SLC1A7: variants seen among roughly 807,000 people sequenced by gnomAD.
The protein encoded by SLC1A7 is excitatory amino acid transporter 5.
SLC1A7 carries 40 observed loss-of-function variants against 47.7 expected under a neutral mutation model. That is an observed-to-expected ratio of 0.84 (90% CI 0.65 to 1.09). The LOEUF is 1.09. SLC1A7 is among the 50% of genes least tolerant of loss of function. The pLI is 0.00. For synonymous variants in SLC1A7, 323 were observed against 325.6 expected (o/e 0.99, Z 0.09); for missense variants, 746 against 769.5 (o/e 0.97, Z 0.36).
rs772267132 is a variant in SLC1A7 at position 53,090,637 on chromosome 1, C to A, written c.1201G>T (p.Asp401Tyr). 1.2e-6 allele frequency: 2 copies of A among 1,602,098 alleles called. No homozygotes were observed. Among genetic ancestry groups the A allele is most frequent in the Admixed American group, 1.7e-5 (1 of 59,694 alleles). The part of the protein sequence containing the change: ...FIAQVNNYEL[D>Y]FGQIITISIT... Reference sequence around the variant, plus strand: ...CTGATGGTGATGATCTGGCCAAAGTCCAGCTCGTAGTTGTTGACCTGGGCG... The same window carrying A: ...CTGATGGTGATGATCTGGCCAAAGTACAGCTCGTAGTTGTTGACCTGGGCG... Residue 401 changes from aspartate (D) to tyrosine (Y), a missense_variant, in exon 8 of 11, where the codon GAC becomes TAC. Transcript: ENST00000371494.
At chr1:53,103,045 T>C (rs150843791) in intron 5 of SLC1A7, 40 of 300,510 alleles carry the variant, frequency 1.3e-4, no homozygotes, top group African/African-American at 7.8e-4. Context: ...GGGGCTTGCA[T>C]AGGTGAGGGG....
chr1:53,135,257 C>T (rs1028084846), intron 1 of SLC1A7, among the ~76,000 whole-genome samples: 1 of 152,180 alleles, frequency 6.6e-6, no homozygotes, highest in Non-Finnish European at 1.5e-5. Context: ...CATCGTGCCA[C>T]GCATCACAGT....
chr1:53,106,356 G>A (rs1370101928), intron 3 of SLC1A7, among the ~76,000 whole-genome samples: 1 of 151,872 alleles, frequency 6.6e-6, no homozygotes, highest in Non-Finnish European at 1.5e-5. Flanking sequence ...GGTGGCTCAC[G>A]CCTGTAATCC....
At chr1:53,118,997 CA>C (rs951623085) in intron 2 of SLC1A7, among the ~76,000 whole-genome samples, 8 of 151,122 alleles carry the variant, frequency 5.3e-5, no homozygotes, top group African/African-American at 7.3e-5. Context: ...AACTCCGTTT[CA>C]AAAAAAAATT....
At chr1:53,103,179 G>C in intron 5 of SLC1A7, 167 bp downstream of exon 5, 1 of 568,954 alleles carries the variant, frequency 1.8e-6, no homozygotes, top group South Asian at 2.5e-5. Flanking sequence ...GGGTGGGGTG[G>C]GGAGGCGAAG....
At chr1:53,138,039 G>T (rs1454939730) in intron 1 of SLC1A7, among the ~76,000 whole-genome samples, 2 of 152,166 alleles carry the variant, frequency 1.3e-5, no homozygotes, top group Admixed American at 1.3e-4. Context: ...GAGTAAAAAT[G>T]CCTTTATTCT....
chr1:53,132,060 G>A (rs1644947046), intron 2 of SLC1A7, among the ~76,000 whole-genome samples: 1 of 152,186 alleles, frequency 6.6e-6, no homozygotes, highest in Admixed American at 6.6e-5. Flanking sequence ...GTAAGGGCTT[G>A]GTCTGCTTAG....
chr1:53,110,064 T>A (rs1213455658), intron 3 of SLC1A7, among the ~76,000 whole-genome samples: 1 of 152,206 alleles, frequency 6.6e-6, no homozygotes, highest in Non-Finnish European at 1.5e-5. Flanking sequence ...CTGGGCCTCC[T>A]GTCTTCAAGG....
Position 53,129,578 on chromosome 1 carries a change from C to T in SLC1A7, c.215+4772G>A, listed in dbSNP as rs1261988286. Among the ~76,000 whole-genome samples the T allele has an allele frequency of 6.8e-3, 913 of 134,258 alleles. 2 individuals are homozygous for T. Among genetic ancestry groups the T allele is most frequent in the East Asian group, 0.012 (51 of 4,360 alleles). The allele number at this position is 134,258 out of a possible 152,430, so 88.1% of individuals were successfully genotyped here. A position where few individuals can be genotyped will look rare whatever the true frequency, so the allele number is the denominator to read the frequency against. On this transcript the variant is annotated intron_variant, in intron 2 of 10. Transcript: ENST00000371494. ...GGAGAAATTCTAGAAAAAAAAGAGC[C>T]CACAGCTGGAAGATGCCAGATTATG... is the stretch of plus-strand genomic sequence containing the variant.
At chr1:53,108,385 T>C in intron 3 of SLC1A7, 1 of 596,370 alleles carries the variant, frequency 1.7e-6, no homozygotes. Context: ...ACAATCATTT[T>C]AAATGTGGGC....
At chr1:53,116,618 A>T (rs1288381) in intron 2 of SLC1A7, among the ~76,000 whole-genome samples, 1 of 152,162 alleles carries the variant, frequency 6.6e-6, no homozygotes, top group Admixed American at 6.5e-5. Context: ...AATCATCATC[A>T]AAGAGAGATT....
chr1:53,131,051 C>T (rs1644937374), intron 2 of SLC1A7, among the ~76,000 whole-genome samples: 1 of 152,240 alleles, frequency 6.6e-6, no homozygotes, highest in Non-Finnish European at 1.5e-5. Flanking sequence ...CTTAGTGACA[C>T]GGTTGCTCTG....
At chr1:53,098,125 C>G (rs1644521799) in intron 5 of SLC1A7, among the ~76,000 whole-genome samples, 1 of 144,004 alleles carries the variant, frequency 6.9e-6, no homozygotes, top group African/African-American at 2.6e-5. Context: ...ACACTCACAC[C>G]TCAGTACACA....
intron 3 of SLC1A7, among the ~76,000 whole-genome samples, chr1:53,113,940 A>T (rs1301786351): frequency 6.6e-6 from 1 of 151,104 alleles, no homozygotes; most frequent in Non-Finnish European, 1.5e-5. Flanking sequence ...CTGCCTCCCC[A>T]TCTTCCCCTC....
Position 53,088,061 on chromosome 1 carries a change from G to T in SLC1A7, c.1631C>A (p.Ala544Glu), listed in dbSNP as rs761271719. 1 of 1,601,200 alleles carries T rather than the reference G, an allele frequency of 6.2e-7. No homozygotes were observed. Residue 544 changes from alanine (A) to glutamate (E), a missense_variant, in exon 11 of 11, where the codon GCG becomes GAG. Physicochemically the swap from Ala to Glu is moderately radical, Grantham distance 107 (BLOSUM62 -1). Coordinates refer to ENST00000371494, the MANE Select transcript of SLC1A7 (RefSeq NM_006671.6). ...QVEQDEELPA[A>E]SLNHCTIQIS... is the part of the protein sequence containing the mutation. Reference sequence around the variant, plus strand: ...CTGGATGGTGCAGTGGTTCAGACTCGCAGCGGGCAGCTCCTCATCCTGCTC... The same window carrying T: ...CTGGATGGTGCAGTGGTTCAGACTCTCAGCGGGCAGCTCCTCATCCTGCTC...
At chr1:53,096,151 T>C (rs1644487472) in intron 5 of SLC1A7, among the ~76,000 whole-genome samples, 2 of 149,440 alleles carry the variant, frequency 1.3e-5, no homozygotes, top group Admixed American at 1.3e-4. Context: ...CCCGCCTTGG[T>C]ACACTCACAC....
At chr1:53,089,336 CT>C (rs1644394410) in intron 9 of SLC1A7, among the ~76,000 whole-genome samples, 1 of 152,210 alleles carries the variant, frequency 6.6e-6, no homozygotes, top group Non-Finnish European at 1.5e-5. Context: ...GCCATCTCGG[CT>C]TACTGAAACC....
chr1:53,110,765 A>C (rs542207207), intron 3 of SLC1A7, among the ~76,000 whole-genome samples: 1 of 152,192 alleles, frequency 6.6e-6, no homozygotes, highest in Admixed American at 6.5e-5. Context: ...TCACTCTCCT[A>C]GTTCTCCTCC....
intron 5 of SLC1A7, among the ~76,000 whole-genome samples, chr1:53,101,156 C>T (rs1407159015): frequency 6.6e-6 from 1 of 151,564 alleles, no homozygotes; most frequent in Non-Finnish European, 1.5e-5. Context: ...CGCCTCAGTA[C>T]ACTTACACAC....
Sources: gnomAD v4.1 joint callset for allele counts (sites outside exome capture counted in the v4.1 genomes callset) on GRCh38, gnomAD v4.1.1 for gene constraint, MANE v1.5 for transcripts, NCBI Gene and HGNC (gene_info 2026-07-23, HGNC 2026-07-21) for gene names.